Variants in C4orf33 observed in about 807,000 individuals in gnomAD.
C4orf33 encodes chromosome 4 open reading frame 33.
Under a neutral mutation model 24.3 loss-of-function variants are expected in C4orf33, and 20 were observed. The observed-to-expected ratio is 0.82, with a 90% CI of 0.58 to 1.19. The LOEUF is 1.19. C4orf33 is among the 50% of genes most tolerant of loss of function. The pLI is 0.00. For missense variants in C4orf33, 207 were observed against 225.9 expected, an observed-to-expected ratio of 0.92 and a Z score of 0.54; for synonymous variants, 67 against 76.4, an observed-to-expected ratio of 0.88 and a Z score of 0.64.
At chr4:129,103,872 T>G (rs1753438148) in intron 2 of C4orf33, among the ~76,000 whole-genome samples, 1 of 152,212 alleles carries the variant, frequency 6.6e-6, no homozygotes. Context: ...TTCTAGTCAA[T>G]ATGTCTAGTT....
At chr4:129,110,581 T>C (rs183636756) in intron 5 of C4orf33, among the ~76,000 whole-genome samples, 10 of 152,308 alleles carry the variant, frequency 6.6e-5, no homozygotes, top group African/African-American at 2.4e-4. Flanking sequence ...TGGAAGAACC[T>C]AACAGAAACA....
intron 2 of C4orf33, among the ~76,000 whole-genome samples, chr4:129,103,505 G>A (rs1158196419): frequency 2.0e-5 from 3 of 152,148 alleles, no homozygotes; most frequent in East Asian, 1.9e-4. Flanking sequence ...ACCTCAATAC[G>A]AAATGTAGTT....
At chr4:129,108,051 C>T (rs10518544) in intron 3 of C4orf33, among the ~76,000 whole-genome samples, 8,546 of 152,064 alleles carry the variant, frequency 0.056, 342 homozygotes, top group Non-Finnish European at 0.088. Flanking sequence ...GCAGTCATTT[C>T]CTGTAACAGT....
upstream of C4orf33, among the ~76,000 whole-genome samples, chr4:129,095,345 A>G (rs906187792): frequency 1.3e-5 from 2 of 152,076 alleles, no homozygotes; most frequent in African/African-American, 4.8e-5. Flanking sequence ...ATTATCTGTC[A>G]TGTTTTGTAG....
chr4:129,110,219 GAGAC>G (rs745376581), intron 5 of C4orf33: 38 of 155,766 alleles, frequency 2.4e-4, no homozygotes, highest in Non-Finnish European at 4.5e-4. Flanking sequence ...ATATATGATG[GAGAC>G]AGCATGGCTT....
chr4:129,095,797 TC>T (rs904555617), upstream of C4orf33, among the ~76,000 whole-genome samples: 8 of 152,178 alleles, frequency 5.3e-5, no homozygotes, highest in African/African-American at 1.9e-4. Context: ...TGAACATGCC[TC>T]CCCAGGAATA....
Position 129,114,873 on chromosome 4 carries a change from A to T in C4orf33, c.*3082A>T, listed in dbSNP as rs1012692819. 1 of 152,146 alleles carries T rather than the reference A, an allele frequency of 6.6e-6. No homozygotes were observed. The highest frequency in any genetic ancestry group is 6.5e-5 in the Admixed American group (1 of 15,274). The allele number at this position is 152,146 out of a possible 1,614,324, so 9.4% of individuals were successfully genotyped here. A position where few individuals can be genotyped will look rare whatever the true frequency, so the allele number is the denominator to read the frequency against. ...GTATAGAGTATGTCCTTCCTAGGGGATTCATTGAGTCATCCTTTGGTGTTT... is the reference window on the plus strand; with the variant it reads ...GTATAGAGTATGTCCTTCCTAGGGGTTTCATTGAGTCATCCTTTGGTGTTT... On this transcript the variant is annotated 3_prime_UTR_variant, in exon 6 of 6. Coordinates refer to ENST00000425929, the MANE Select transcript of C4orf33 (RefSeq NM_001099783.2).
chr4:129,102,871 T>C, intron 2 of C4orf33, 80 bp downstream of exon 2: 1 of 1,326,890 alleles, frequency 7.5e-7, no homozygotes, highest in Non-Finnish European at 1.0e-6. Context: ...TTTATCTTGC[T>C]GTTGGGAAGT....
chr4:129,110,027 G>C, intron 5 of C4orf33: 1 of 1,044,510 alleles, frequency 9.6e-7, no homozygotes, highest in Non-Finnish European at 1.2e-6. Flanking sequence ...TTCCTGGTGT[G>C]AACAAACAGT....
chr4:129,107,492 G>A (rs1279706053), intron 3 of C4orf33, among the ~76,000 whole-genome samples: 1 of 151,958 alleles, frequency 6.6e-6, no homozygotes, highest in Admixed American at 6.5e-5. Flanking sequence ...GCTGGACAGA[G>A]AGCTCCAAAC....
chr4:129,096,965 A>T (rs977691750), intron 1 of C4orf33, among the ~76,000 whole-genome samples: 1 of 152,194 alleles, frequency 6.6e-6, no homozygotes, highest in Non-Finnish European at 1.5e-5. Flanking sequence ...GCTGGAGTGC[A>T]GTGGAGCGAT....
intron 2 of C4orf33, among the ~76,000 whole-genome samples, chr4:129,105,340 C>G (rs1168335910): frequency 1.3e-5 from 2 of 152,048 alleles, no homozygotes; most frequent in African/African-American, 4.8e-5. Context: ...GGGAAACCTG[C>G]TCTACTAAAA....
At chr4:129,106,322 G>A (rs1006532540) in intron 2 of C4orf33, among the ~76,000 whole-genome samples, 1 of 152,078 alleles carries the variant, frequency 6.6e-6, no homozygotes, top group Admixed American at 6.5e-5. Context: ...ATGTGATAAT[G>A]TTAATTTCTT....
In C4orf33 at chr4:129,116,404, G is replaced by A. The variant is rs1312436172; in HGVS notation, c.*4613G>A. 2 of 152,144 alleles carry A rather than the reference G, an allele frequency of 1.3e-5. No homozygotes were observed. Among genetic ancestry groups the A allele is most frequent in the Non-Finnish European group, 2.9e-5 (2 of 68,016 alleles). The allele number at this position is 152,144 out of a possible 1,614,324, so 9.4% of individuals were successfully genotyped here. A position where few individuals can be genotyped will look rare whatever the true frequency, so the allele number is the denominator to read the frequency against. On this transcript the variant is annotated 3_prime_UTR_variant, in exon 6 of 6. Transcript: ENST00000425929. ...TTTGCACTCTTGAAAAATTCGCAGA[G>A]AATGCAAGGTTTAGTAAAAATTTAT...
At position 129,115,972 on chromosome 4, in the gene C4orf33, G is replaced by A. The variant is rs1157232863; in HGVS notation, c.*4181G>A. ...ATAATTTCTTATCTTAATTTGCTCTGAAAGAGCAAAACTTATAAAATTGAC... is the reference window on the plus strand; with the variant it reads ...ATAATTTCTTATCTTAATTTGCTCTAAAAGAGCAAAACTTATAAAATTGAC... On this transcript the variant is annotated 3_prime_UTR_variant, in exon 6 of 6. Transcript: ENST00000425929. 6.6e-6 allele frequency: 1 copy of A among 150,690 alleles called. No individual in the cohort carries two copies. The highest frequency in any genetic ancestry group is 2.4e-5 in the African/African-American group (1 of 41,128). 9.3% of individuals were successfully genotyped at this position (150,690 alleles called of 1,614,324 possible). A position where few individuals can be genotyped will look rare whatever the true frequency, so the allele number is the denominator to read the frequency against.
At position 129,113,786 on chromosome 4, in the gene C4orf33, A is replaced by G. The variant is rs544579752; in HGVS notation, c.*1995A>G. On this transcript the variant is annotated 3_prime_UTR_variant, in exon 6 of 6. Coordinates refer to ENST00000425929, the MANE Select transcript of C4orf33 (RefSeq NM_001099783.2). ...TTTTGCCACAGGAAAAAAAACATTTAATTTCCCCTCCTTCTCCTCCTTTTG... is the reference window on the plus strand; with the variant it reads ...TTTTGCCACAGGAAAAAAAACATTTGATTTCCCCTCCTTCTCCTCCTTTTG... 2.1e-4 allele frequency: 32 copies of G among 151,480 alleles called. No individual in the cohort carries two copies. The highest frequency in any genetic ancestry group is 4.1e-4 in the Non-Finnish European group (28 of 67,888). 9.4% of individuals were successfully genotyped at this position (151,480 alleles called of 1,614,324 possible).
At position 129,115,801 on chromosome 4, in the gene C4orf33, A is replaced by AATATATATAT. The variant is rs55749910; in HGVS notation, c.*4030_*4039dup. On this transcript the variant is annotated 3_prime_UTR_variant, in exon 6 of 6. Transcript: ENST00000425929. ...ATGTGCCTAACAAATCTTCTAACTA[A>AATATATATAT]ATATATATATATATATATATATATA... 47 of 90,238 alleles carry AATATATATAT rather than the reference A, an allele frequency of 5.2e-4. No individual in the cohort carries two copies. The highest frequency in any genetic ancestry group is 1.6e-3 in the African/African-American group (38 of 23,368). The allele number at this position is 90,238 out of a possible 1,614,324, so 5.6% of individuals were successfully genotyped here.
chr4:129,110,343 T>G (rs1699387), intron 5 of C4orf33, among the ~76,000 whole-genome samples: 108,823 of 152,086 alleles, frequency 0.72, 41,074 homozygotes, highest in South Asian at 0.89. Flanking sequence ...TTGAGCCAAG[T>G]TATCTGCTAT....
At chr4:129,109,229 C>T (rs1753611855) in intron 3 of C4orf33, 78 bp from the exon 4 acceptor site, 3 of 1,335,940 alleles carry the variant, frequency 2.2e-6, no homozygotes, top group South Asian at 1.2e-5. Flanking sequence ...CAAGCACACA[C>T]ATTCCATGTA....
Sources: allele counts gnomAD v4.1 joint callset (sites outside exome capture counted in the v4.1 genomes callset), GRCh38; gene constraint gnomAD v4.1.1; transcripts MANE v1.5; gene names NCBI Gene and HGNC (gene_info 2026-07-23, HGNC 2026-07-21).